Variants in STT3B observed in about 807,000 individuals in gnomAD.
The protein encoded by STT3B is STT3 oligosaccharyltransferase complex catalytic subunit B.
Under a neutral mutation model 96.8 loss-of-function variants are expected in STT3B, and 29 were observed. The observed-to-expected ratio is 0.30, with a 90% CI of 0.22 to 0.41. STT3B has a LOEUF of 0.41. STT3B is among the 10% of genes least tolerant of loss of function. STT3B has a pLI of 1.00. For missense variants in STT3B, 640 were observed against 1,022.3 expected (o/e 0.63, Z 5.10); for synonymous variants, 367 against 360.0 (o/e 1.02, Z -0.22).
At chr3:31,577,125 A>G (rs1447406113) in intron 2 of STT3B, among the ~76,000 whole-genome samples, 16 of 152,128 alleles carry the variant, frequency 1.1e-4, no homozygotes, top group Non-Finnish European at 1.2e-4. Flanking sequence ...TATTCATTTT[A>G]TTAGGGTTTT....
At chr3:31,608,161 A>T (rs1449164146) in intron 5 of STT3B, among the ~76,000 whole-genome samples, 4 of 152,194 alleles carry the variant, frequency 2.6e-5, no homozygotes, top group Non-Finnish European at 4.4e-5. Context: ...CCTTCAAGGT[A>T]GGTGAGCCAA....
chr3:31,554,177 C>G (rs1389685707), intron 1 of STT3B, among the ~76,000 whole-genome samples: 1 of 152,062 alleles, frequency 6.6e-6, no homozygotes, highest in Non-Finnish European at 1.5e-5. Context: ...GTTTAAAAAT[C>G]AGATTTTAAG....
chr3:31,619,773 A>T lies in STT3B; in HGVS notation c.1270A>T (p.Thr424Ser). 6.2e-7 allele frequency: 1 copy of T among 1,613,952 alleles called. No individual in the cohort carries two copies. Among genetic ancestry groups the T allele is most frequent in the Non-Finnish European group, 8.5e-7 (1 of 1,179,928 alleles). The part of the protein sequence containing the change: ...FFFDLHILVC[T>S]FPAGLWFCIK... ...CTTTGATCTACATATTCTTGTATGT[A>T]CCTTCCCAGCAGGCCTTTGGTTCTG... Residue 424 changes from threonine (T) to serine (S), a missense_variant, in exon 9 of 16, where the codon ACC becomes TCC. By Grantham distance (58) the Thr-to-Ser change is moderately conservative (BLOSUM62 1). Around this residue, in one of 8 missense-constraint regions of STT3B, gnomAD observed 33 missense variants for 43.1 expected, o/e 0.77. Transcript: ENST00000295770.
rs1029563543 is a variant in STT3B at position 31,637,324 on chromosome 3, G to T, written c.*1260G>T. ...GCTTTTGGTGGAAAAGTGCAGAATAGTATGTACCTTTTATGAAGAAAAATG... is the reference window on the plus strand; with the variant it reads ...GCTTTTGGTGGAAAAGTGCAGAATATTATGTACCTTTTATGAAGAAAAATG... On this transcript the variant is annotated 3_prime_UTR_variant, in exon 16 of 16. Coordinates refer to ENST00000295770, the MANE Select transcript of STT3B (RefSeq NM_178862.3). 4 of 152,150 alleles carry T rather than the reference G, an allele frequency of 2.6e-5. No homozygotes were observed. The highest frequency in any genetic ancestry group is 4.8e-5 in the African/African-American group (2 of 41,440). The allele number at this position is 152,150 out of a possible 1,614,324, so 9.4% of individuals were successfully genotyped here.
At chr3:31,623,644 T>C (rs767526685) in intron 10 of STT3B, 30 bp from the exon 11 acceptor site, 7 of 1,537,722 alleles carry the variant, frequency 4.6e-6, no homozygotes, top group Non-Finnish European at 6.2e-6. Context: ...AATAATGAAT[T>C]TGTCTAACCA....
chr3:31,535,330 TTTA>T (rs1217420926), intron 1 of STT3B, among the ~76,000 whole-genome samples: 5 of 151,212 alleles, frequency 3.3e-5, no homozygotes, highest in Non-Finnish European at 4.4e-5. Context: ...ATTTTTTATT[TTTA>T]TTATTTTTTT....
chr3:31,627,153 C>T (rs930304241), intron 13 of STT3B, among the ~76,000 whole-genome samples: 8 of 152,220 alleles, frequency 5.3e-5, no homozygotes, highest in Admixed American at 3.9e-4. Flanking sequence ...AGCACTGGTC[C>T]GTGGCCTGTT....
chr3:31,613,861 G>T (rs1045551834), intron 5 of STT3B, among the ~76,000 whole-genome samples: 3 of 152,022 alleles, frequency 2.0e-5, no homozygotes, highest in African/African-American at 7.2e-5. Flanking sequence ...TGTTTGGAAA[G>T]AACGTTATCT....
chr3:31,621,938 CTAAT>C (rs1337276661), intron 9 of STT3B, among the ~76,000 whole-genome samples, 155 bp from the exon 10 acceptor site: 11 of 152,128 alleles, frequency 7.2e-5, no homozygotes, highest in African/African-American at 1.2e-4. Context: ...CTAAATGTGG[CTAAT>C]TAATCAGTTG....
chr3:31,623,999 G>A (rs376572314), intron 11 of STT3B, 138 bp downstream of exon 11: 2 of 715,088 alleles, frequency 2.8e-6, no homozygotes, highest in South Asian at 2.5e-5. Flanking sequence ...TTTAATTTTG[G>A]TAGGTACACA....
At chr3:31,568,332 G>A (rs1419237821) in intron 1 of STT3B, among the ~76,000 whole-genome samples, 1 of 152,158 alleles carries the variant, frequency 6.6e-6, no homozygotes, top group Non-Finnish European at 1.5e-5. Flanking sequence ...TGAGAGTGCA[G>A]GTGTCTCTTT....
At chr3:31,570,846 T>C (rs74605985) in intron 1 of STT3B, among the ~76,000 whole-genome samples, 3,829 of 152,096 alleles carry the variant, frequency 0.025, 158 homozygotes, top group African/African-American at 0.086. Flanking sequence ...CTGGCTAAAC[T>C]AGCTTTACAG....
At chr3:31,595,216 G>C (rs868707893) in intron 3 of STT3B, among the ~76,000 whole-genome samples, 1 of 152,272 alleles carries the variant, frequency 6.6e-6, no homozygotes, top group Middle Eastern at 3.4e-3. Flanking sequence ...TTAGAGCCCT[G>C]CCAAGTGGAG....
intron 5 of STT3B, among the ~76,000 whole-genome samples, chr3:31,602,265 T>A (rs1372065306): frequency 1.3e-5 from 2 of 152,122 alleles, no homozygotes; most frequent in African/African-American, 4.8e-5. Context: ...AAACAGTAGT[T>A]GGGATCCAGA....
chr3:31,563,140 C>A (rs927496155), intron 1 of STT3B, among the ~76,000 whole-genome samples: 4 of 152,190 alleles, frequency 2.6e-5, no homozygotes, highest in African/African-American at 9.7e-5. Flanking sequence ...CATCACTACT[C>A]TCTTGAATTT....
At chr3:31,630,537 G>C (rs1265037032) in intron 14 of STT3B, among the ~76,000 whole-genome samples, 1 of 152,136 alleles carries the variant, frequency 6.6e-6, no homozygotes, top group Non-Finnish European at 1.5e-5. Flanking sequence ...TGCGCCGAAC[G>C]TCTTAATAAA....
intron 14 of STT3B, among the ~76,000 whole-genome samples, 193 bp downstream of exon 14, chr3:31,629,604 T>C (rs1699609489): frequency 6.6e-6 from 1 of 152,190 alleles, no homozygotes; most frequent in Non-Finnish European, 1.5e-5. Context: ...AAATTTTAGA[T>C]CAAGGACTTC....
In STT3B at chr3:31,617,986, TG is replaced by T; in HGVS notation, c.1172+1del. On this transcript the variant is annotated frameshift_variant and splice_region_variant, in exon 8 of 16. Coordinates refer to ENST00000295770, the MANE Select transcript of STT3B (RefSeq NM_178862.3). LOFTEE classifies it high-confidence loss of function. ...SGRFYSLWDT[G>X]YAKIHIPIIA... ...GCAGGTTTTATTCATTGTGGGATAC[TG>T]GGTAAGTACAGTTACATTATTTGGC... 1 of 1,592,574 alleles carries T rather than the reference TG, an allele frequency of 6.3e-7. No homozygotes were observed. The highest frequency in any genetic ancestry group is 8.6e-7 in the Non-Finnish European group (1 of 1,160,718).
intron 5 of STT3B, among the ~76,000 whole-genome samples, chr3:31,601,398 A>C (rs1432143870): frequency 2.0e-5 from 3 of 152,248 alleles, no homozygotes; most frequent in Non-Finnish European, 4.4e-5. Context: ...GATATATGCT[A>C]CAACATGAAC....
Sources: gnomAD v4.1 joint callset for allele counts (sites outside exome capture counted in the v4.1 genomes callset) on GRCh38, gnomAD v4.1.1 for gene constraint, gnomAD v4.1.1 regional missense constraint, MANE v1.5 for transcripts, NCBI Gene and HGNC (gene_info 2026-07-23, HGNC 2026-07-21) for gene names.